PRKX: variants seen among roughly 807,000 people sequenced by gnomAD.
The protein encoded by PRKX is cAMP-dependent protein kinase catalytic subunit PRKX.
PRKX carries 12 observed loss-of-function variants against 22.0 expected under a neutral mutation model. The observed-to-expected ratio is 0.54, with a 90% confidence interval of 0.35 to 0.88. PRKX has a LOEUF of 0.88. PRKX is among the 40% of genes least tolerant of loss of function. PRKX has a pLI of 0.01. For synonymous variants in PRKX, 134 were observed against 137.7 expected (o/e 0.97, Z 0.19); for missense variants, 217 against 308.0 (o/e 0.70, Z 2.21).
intron 1 of PRKX, among the ~76,000 whole-genome samples, chrX:3,700,093 C>A (rs888944600): frequency 6.3e-5 from 7 of 111,785 alleles, no homozygotes; most frequent in Admixed American, 1.9e-4. Flanking sequence ...CTACAAAAAA[C>A]CAAAATTAGG....
intron 2 of PRKX, among the ~76,000 whole-genome samples, 155 bp from the exon 3 acceptor site, chrX:3,655,567 A>G (rs1358198999): frequency 8.9e-6 from 1 of 112,537 alleles, no homozygotes; most frequent in East Asian, 2.8e-4. Context: ...CATGGAGCAC[A>G]CAGATATCAG....
At chrX:3,703,668 T>A (rs1183678127) in intron 1 of PRKX, among the ~76,000 whole-genome samples, 1 of 88,051 alleles carries the variant, frequency 1.1e-5, no homozygotes, top group Non-Finnish European at 2.1e-5. Flanking sequence ...TTTTTTTGGT[T>A]GTTTTTTTTT....
chrX:3,617,955 G>C (rs915141781), intron 6 of PRKX, among the ~76,000 whole-genome samples: 19 of 107,418 alleles, frequency 1.8e-4, no homozygotes, highest in Non-Finnish European at 2.9e-4. Context: ...GTTCTTTTTG[G>C]GGGGGCGGGG....
intron 5 of PRKX, among the ~76,000 whole-genome samples, chrX:3,624,811 G>A (rs1461147083): frequency 5.5e-5 from 6 of 109,636 alleles, no homozygotes; most frequent in Admixed American, 4.0e-4. Flanking sequence ...GTAGACATGG[G>A]GTCTTGCTAC....
At chrX:3,631,242 G>T (rs1384520913) in intron 4 of PRKX, among the ~76,000 whole-genome samples, 1 of 112,459 alleles carries the variant, frequency 8.9e-6, no homozygotes, top group Non-Finnish European at 1.9e-5. Context: ...CCAACAACCT[G>T]TGAATGGGAC....
At chrX:3,634,261 T>A (rs1169028171) in intron 4 of PRKX, among the ~76,000 whole-genome samples, 7 of 106,646 alleles carry the variant, frequency 6.6e-5, no homozygotes, top group East Asian at 2.9e-4. Context: ...AGAAAAAAAA[T>A]AATAATAATT....
At chrX:3,688,914 A>T (rs1262685183) in intron 1 of PRKX, among the ~76,000 whole-genome samples, 1 of 110,145 alleles carries the variant, frequency 9.1e-6, no homozygotes, top group East Asian at 2.8e-4. Flanking sequence ...CATAAGTGAT[A>T]ATTTGCTTCT....
rs1926195619 is a variant in PRKX, at chrX:3,607,269, A to G, written c.*1700T>C. 2 of 111,916 alleles carry G rather than the reference A, an allele frequency of 1.8e-5. No individual in the cohort carries two copies. The highest frequency in any genetic ancestry group is 6.5e-5 in the African/African-American group (2 of 30,724). 9.2% of individuals were successfully genotyped at this position (111,916 alleles called of 1,213,427 possible). On this transcript the variant is annotated 3_prime_UTR_variant, in exon 9 of 9. Transcript: ENST00000262848. ...TAACCTTTTCTTAAAAAAATATGGA[A>G]TGCTGCATGAATCTGCAGATCTTCC...
At chrX:3,691,583 G>C in intron 1 of PRKX, among the ~76,000 whole-genome samples, 1 of 110,856 alleles carries the variant, frequency 9.0e-6, no homozygotes, top group Non-Finnish European at 1.9e-5. Context: ...TTCTCAAACT[G>C]AGTCCATTAA....
chrX:3,626,926 C>T (rs113387493), intron 4 of PRKX, among the ~76,000 whole-genome samples: 7,708 of 110,931 alleles, frequency 0.069, 247 homozygotes, highest in Non-Finnish European at 0.1. Context: ...GTCTCAAGAG[C>T]GAAAAGATAA....
chrX:3,695,988 C>T (rs1928434920), intron 1 of PRKX, among the ~76,000 whole-genome samples: 1 of 111,535 alleles, frequency 9.0e-6, no homozygotes, highest in Non-Finnish European at 1.9e-5. Flanking sequence ...AAAGAAAACC[C>T]TACTGGTGAA....
chrX:3,674,546 A>G (rs1927909830), intron 2 of PRKX, 52 bp downstream of exon 2: 1 of 1,170,341 alleles, frequency 8.5e-7, no homozygotes, highest in Admixed American at 2.2e-5. Context: ...AAGAAGAGAC[A>G]CACAGGGGTC....
intron 1 of PRKX, 21 bp downstream of exon 1, chrX:3,713,067 T>C: frequency 8.7e-7 from 1 of 1,152,416 alleles, no homozygotes; most frequent in East Asian, 3.5e-5. Context: ...GTGGGCCGAG[T>C]CCCCGCCCGC....
chrX:3,692,559 G>A (rs1214983890), intron 1 of PRKX, among the ~76,000 whole-genome samples: 7 of 96,874 alleles, frequency 7.2e-5, no homozygotes, highest in Non-Finnish European at 1.4e-4. Context: ...ACGGAGTCTC[G>A]CTCTGTCACC....
intron 4 of PRKX, among the ~76,000 whole-genome samples, chrX:3,640,449 C>T (rs1397281158): frequency 8.9e-6 from 1 of 112,240 alleles, no homozygotes; most frequent in Admixed American, 9.5e-5. Context: ...ATGACGCCCA[C>T]GTCCTGGGTT....
intron 6 of PRKX, among the ~76,000 whole-genome samples, chrX:3,620,310 G>A (rs1036983375): frequency 4.5e-5 from 5 of 112,334 alleles, no homozygotes; most frequent in Admixed American, 1.9e-4. Context: ...TGAAGACATC[G>A]TGCTCAGAGA....
chrX:3,619,137 A>C (rs1384315805), intron 6 of PRKX, among the ~76,000 whole-genome samples: 1 of 112,561 alleles, frequency 8.9e-6, no homozygotes, highest in East Asian at 2.8e-4. Flanking sequence ...TAACTAAATT[A>C]AGGTTCTTGA....
rs185513116 is a variant in PRKX, at chrX:3,618,384, A to G, written c.874-2492T>C. On this transcript the variant is annotated intron_variant, in intron 6 of 8. Coordinates refer to ENST00000262848, the MANE Select transcript of PRKX (RefSeq NM_005044.5). ...TGTAATCCTAGCACTTTGTGAGGCC[A>G]AGGTGGGCGGATCACTTGAGCTCAG... Among the ~76,000 whole-genome samples, 268 of 111,548 alleles carry G rather than the reference A, an allele frequency of 2.4e-3. 4 individuals carry two copies. In the East Asian group the frequency reaches 0.035, roughly 14 times the overall value.
chrX:3,663,870 C>A (rs1383232009), intron 2 of PRKX, among the ~76,000 whole-genome samples: 1 of 110,877 alleles, frequency 9.0e-6, no homozygotes, highest in South Asian at 3.8e-4. Context: ...GTCAAGTGGG[C>A]GCACACATGT....
Sources: gnomAD v4.1 joint callset for allele counts (sites outside exome capture counted in the v4.1 genomes callset) on GRCh38, gnomAD v4.1.1 for gene constraint, MANE v1.5 for transcripts, NCBI Gene and HGNC (gene_info 2026-07-23, HGNC 2026-07-21) for gene names.